SLC36A1: variants seen among roughly 807,000 people sequenced by gnomAD.
SLC36A1 encodes proton-coupled amino acid transporter 1.
Under a neutral mutation model 47.5 loss-of-function variants are expected in SLC36A1, and 30 were observed. The observed-to-expected ratio is 0.63, with a 90% CI of 0.47 to 0.86. The LOEUF (loss-of-function observed/expected upper bound fraction) is 0.86. Among genes scored for constraint, SLC36A1 ranks in the 40% least tolerant of loss-of-function variants. The pLI, the probability that SLC36A1 is intolerant of heterozygous loss-of-function variation, is 0.00. For synonymous variants in SLC36A1, 255 were observed against 249.7 expected, an observed-to-expected ratio of 1.02 and a Z score of -0.20; for missense variants, 517 against 606.0, an observed-to-expected ratio of 0.85 and a Z score of 1.54.
At chr5:151,349,074 C>T in the SLC36A1 span, among the ~76,000 whole-genome samples, 2 of 152,170 alleles carry the variant, frequency 1.3e-5, no homozygotes, top group Non-Finnish European at 2.9e-5. Flanking sequence ...TCGTTTACAG[C>T]CTGAGATTCC....
chr5:151,500,129 C>G, the SLC36A1 span, among the ~76,000 whole-genome samples: 1 of 152,110 alleles, frequency 6.6e-6, no homozygotes, highest in East Asian at 1.9e-4. Context: ...TCAGCCTGTT[C>G]CGTTGCACTT....
chr5:151,519,023 A>G, the SLC36A1 span, among the ~76,000 whole-genome samples: 157 of 152,310 alleles, frequency 1.0e-3, 1 homozygote, highest in Non-Finnish European at 2.0e-3. Flanking sequence ...AAGAACCAGA[A>G]AAGATGAGGC....
At chr5:151,369,101 T>G in the SLC36A1 span, among the ~76,000 whole-genome samples, 3 of 152,152 alleles carry the variant, frequency 2.0e-5, no homozygotes, top group African/African-American at 7.2e-5. Flanking sequence ...TTGGCAAAGA[T>G]CTCCATAAAC....
At chr5:151,388,361 C>T in the SLC36A1 span, among the ~76,000 whole-genome samples, 6 of 152,002 alleles carry the variant, frequency 3.9e-5, no homozygotes, top group East Asian at 1.9e-4. Flanking sequence ...ATTAGCCAGG[C>T]GTGTTGGCGC....
chr5:151,391,911 C>T, the SLC36A1 span, among the ~76,000 whole-genome samples: 1 of 152,136 alleles, frequency 6.6e-6, no homozygotes, highest in Non-Finnish European at 1.5e-5. Context: ...ATGATGCTGG[C>T]CTCATAAAAT....
At position 151,490,206 on chromosome 5, in the gene SLC36A1, T is replaced by G. The variant is rs1338024266; in HGVS notation, c.*1952T>G. 1 of 152,220 alleles carries G rather than the reference T, an allele frequency of 6.6e-6. No homozygotes were observed. The highest frequency in any genetic ancestry group is 1.5e-5 in the Non-Finnish European group (1 of 68,042). 9.4% of individuals were successfully genotyped at this position (152,220 alleles called of 1,614,324 possible). A position where few individuals can be genotyped will look rare whatever the true frequency, so the allele number is the denominator to read the frequency against. The stretch of plus-strand genomic sequence containing the variant: ...TGTTCTATGGTGGACTCTTAACAGG[T>G]GCTATGTGACCAGGAATCTAGCCGG... On this transcript the variant is annotated 3_prime_UTR_variant, in exon 11 of 11. Coordinates refer to ENST00000243389, the MANE Select transcript of SLC36A1 (RefSeq NM_078483.4).
At chr5:151,421,570 TTC>T in the SLC36A1 span, among the ~76,000 whole-genome samples, 2 of 148,806 alleles carry the variant, frequency 1.3e-5, no homozygotes, top group Non-Finnish European at 1.5e-5. Context: ...CTTTTTCTTT[TTC>T]TTTCTTTCTT....
chr5:151,535,507 C>T, the SLC36A1 span, among the ~76,000 whole-genome samples: 896 of 152,210 alleles, frequency 5.9e-3, 20 homozygotes, highest in Admixed American at 0.038. Flanking sequence ...GAGGGTGGTG[C>T]GCCCAGGGAG....
At chr5:151,358,309 T>C in the SLC36A1 span, among the ~76,000 whole-genome samples, 4 of 152,218 alleles carry the variant, frequency 2.6e-5, no homozygotes, top group East Asian at 1.9e-4. Context: ...GGTCCTATTC[T>C]GTCACCCAGG....
At chr5:151,517,737 G>A in the SLC36A1 span, 1 of 1,614,210 alleles carries the variant, frequency 6.2e-7, no homozygotes, top group Non-Finnish European at 8.5e-7. Context: ...ACCGCACATA[G>A]CTCTGACCAC....
Position 151,464,544 on chromosome 5 carries a change from A to C in SLC36A1, c.265A>C (p.Ile89Leu), listed in dbSNP as rs1210931563. ...TCCCATCAGCCTGCTGATCATAGGCATCGTGGCCGTGCACTGCATGGGTAT... is the reference window on the plus strand; with the variant it reads ...TCCCATCAGCCTGCTGATCATAGGCCTCGTGGCCGTGCACTGCATGGGTAT... ...MGPISLLIIG[I>L]VAVHCMGILV... Residue 89 changes from isoleucine to leucine, a missense_variant, in exon 4 of 11, where the codon ATC (isoleucine) becomes CTC (leucine). Coordinates refer to ENST00000243389, the MANE Select transcript of SLC36A1 (RefSeq NM_078483.4). 2.5e-6 allele frequency: 4 copies of C among 1,614,000 alleles called. No individual in the cohort carries two copies. In the African/African-American group the frequency reaches 4.0e-5, roughly 16 times the overall value.
chr5:151,356,339 C>CAAAAAAAAGAAAA, the SLC36A1 span, among the ~76,000 whole-genome samples: 1 of 51,314 alleles, frequency 1.9e-5, no homozygotes, highest in Non-Finnish European at 4.2e-5. Context: ...CTCTGTCTCA[C>CAAAAAAAAGAAAA]AAAAAAAAAA....
At chr5:151,455,462 A>G (rs1481784793) in intron 1 of SLC36A1, among the ~76,000 whole-genome samples, 1 of 152,108 alleles carries the variant, frequency 6.6e-6, no homozygotes, top group African/African-American at 2.4e-5. Flanking sequence ...TCTTAGCAAT[A>G]TTCTGCTGTG....
chr5:151,496,886 T>C (rs1164533243), downstream of SLC36A1, among the ~76,000 whole-genome samples: 1 of 152,226 alleles, frequency 6.6e-6, no homozygotes, highest in Non-Finnish European at 1.5e-5. Context: ...TTTGGAGCAA[T>C]TATAAATGGT....
chr5:151,478,380 G>T (rs1007951345), intron 9 of SLC36A1, among the ~76,000 whole-genome samples: 2 of 152,174 alleles, frequency 1.3e-5, no homozygotes, highest in African/African-American at 2.4e-5. Flanking sequence ...TGCAGTCAAG[G>T]CACTGGAGTA....
At chr5:151,505,308 G>C in the SLC36A1 span, 4 of 541,738 alleles carry the variant, frequency 7.4e-6, no homozygotes, top group Non-Finnish European at 1.3e-5. Context: ...ATTGTTCCTG[G>C]TTTTCCAGGG....
At chr5:151,454,083 A>ATTTTTTTT (rs35097474) in intron 1 of SLC36A1, among the ~76,000 whole-genome samples, 3 of 88,100 alleles carry the variant, frequency 3.4e-5, no homozygotes, top group African/African-American at 4.7e-5. Flanking sequence ...GTACACTTAA[A>ATTTTTTTT]TTTTTTTTTT....
At chr5:151,529,448 G>A in the SLC36A1 span, 6 of 1,503,848 alleles carry the variant, frequency 4.0e-6, no homozygotes, top group Admixed American at 5.1e-5. Flanking sequence ...CAAAGGCGCA[G>A]GACTGAGGGT....
chr5:151,525,690 A>T, the SLC36A1 span: 3 of 1,518,442 alleles, frequency 2.0e-6, no homozygotes, highest in African/African-American at 2.7e-5. Flanking sequence ...TTCCCTAATG[A>T]CAGAAGCACT....
Sources: allele counts gnomAD v4.1 joint callset (sites outside exome capture counted in the v4.1 genomes callset), GRCh38; gene constraint gnomAD v4.1.1; transcripts MANE v1.5; gene names NCBI Gene and HGNC (gene_info 2026-07-23, HGNC 2026-07-21).